Variants in PBX3 observed in about 807,000 individuals in gnomAD.
PBX3 encodes PBX homeobox 3, also known as pre-B-cell leukemia transcription factor 3.
PBX3 carries 14 observed loss-of-function variants against 48.5 expected under a neutral mutation model. That is an observed-to-expected ratio of 0.29 (90% CI 0.19 to 0.45). The LOEUF is 0.45. Among genes scored for constraint, PBX3 ranks in the 20% least tolerant of loss-of-function variants. PBX3 has a pLI of 1.00. For missense variants in PBX3, 386 were observed against 546.7 expected (o/e 0.71, Z 2.93); for synonymous variants, 210 against 200.3 (o/e 1.05, Z -0.41).
At chr9:125,881,423 A>G (rs1023023492) in intron 2 of PBX3, among the ~76,000 whole-genome samples, 11 of 152,318 alleles carry the variant, frequency 7.2e-5, no homozygotes, top group Middle Eastern at 3.4e-3. Flanking sequence ...ATTAGTTGGT[A>G]AATTGACAGC....
intron 2 of PBX3, among the ~76,000 whole-genome samples, chr9:125,775,164 G>A (rs1837038874): frequency 6.6e-6 from 1 of 152,158 alleles, no homozygotes; most frequent in Non-Finnish European, 1.5e-5. Flanking sequence ...ACTGTGCCTG[G>A]CCCACAGAGT....
intron 2 of PBX3, among the ~76,000 whole-genome samples, chr9:125,783,369 C>A (rs1837373445): frequency 6.6e-6 from 1 of 152,078 alleles, no homozygotes; most frequent in African/African-American, 2.4e-5. Context: ...CTCACTGCAA[C>A]CTCTGCCTCC....
intron 5 of PBX3, among the ~76,000 whole-genome samples, chr9:125,949,122 C>T (rs1842132973): frequency 6.6e-6 from 1 of 152,158 alleles, no homozygotes; most frequent in South Asian, 2.1e-4. Flanking sequence ...GATGACTGTA[C>T]GTTCTGTGTA....
chr9:125,946,610 A>G (rs1464000918), intron 5 of PBX3, among the ~76,000 whole-genome samples: 1 of 152,188 alleles, frequency 6.6e-6, no homozygotes, highest in East Asian at 1.9e-4. Context: ...CAGATTAGAC[A>G]TTGCTGAAAG....
intron 2 of PBX3, among the ~76,000 whole-genome samples, chr9:125,755,255 C>T (rs1028959149): frequency 6.6e-6 from 1 of 152,044 alleles, no homozygotes; most frequent in African/African-American, 2.4e-5. Context: ...TCAACATTTT[C>T]ACTGTCTCTA....
At chr9:125,823,802 G>T (rs1265705330) in intron 2 of PBX3, among the ~76,000 whole-genome samples, 2 of 152,130 alleles carry the variant, frequency 1.3e-5, no homozygotes, top group East Asian at 3.9e-4. Context: ...TAGGCTGGGC[G>T]CGGTGGCTCA....
At chr9:125,830,095 G>A (rs1038151265) in intron 2 of PBX3, among the ~76,000 whole-genome samples, 7 of 152,088 alleles carry the variant, frequency 4.6e-5, no homozygotes, top group African/African-American at 1.7e-4. Flanking sequence ...TTTATCAGTT[G>A]TCTCAGCACT....
chr9:125,891,416 T>G (rs1246782454), intron 2 of PBX3, among the ~76,000 whole-genome samples: 1 of 152,210 alleles, frequency 6.6e-6, no homozygotes, highest in Non-Finnish European at 1.5e-5. Flanking sequence ...TCCGTGAGGT[T>G]CAGTCAAATG....
At chr9:125,821,653 A>G (rs1838656413) in intron 2 of PBX3, among the ~76,000 whole-genome samples, 1 of 152,124 alleles carries the variant, frequency 6.6e-6, no homozygotes, top group Admixed American at 6.5e-5. Context: ...AACTCATTTG[A>G]AGATTAGTTT....
chr9:125,911,238 G>A (rs1841197180), intron 2 of PBX3, among the ~76,000 whole-genome samples: 1 of 151,986 alleles, frequency 6.6e-6, no homozygotes, highest in African/African-American at 2.4e-5. Context: ...CTCCTATTTT[G>A]ACTGCATCTT....
In PBX3 at chr9:125,879,151, C is replaced by T. The variant is rs551598458; in HGVS notation, c.275-36535C>T. ...GGAGTGCAGTGGTGCAATCTTAGCT[C>T]ACTGCAACCTCTGCCTCCTGGGTTC... On this transcript the variant is annotated intron_variant, in intron 2 of 8. Coordinates refer to ENST00000373489, the MANE Select transcript of PBX3 (RefSeq NM_006195.6). Among the ~76,000 whole-genome samples the T allele has an allele frequency of 2.8e-4, 40 of 144,132 alleles. 1 individual carries two copies. The South Asian group carries it at 8.1e-3, about 29-fold the overall frequency. The allele number at this position is 144,132 out of a possible 152,430, so 94.6% of individuals were successfully genotyped here.
chr9:125,917,936 C>A (rs1841370000), intron 3 of PBX3, among the ~76,000 whole-genome samples: 1 of 152,078 alleles, frequency 6.6e-6, no homozygotes, highest in African/African-American at 2.4e-5. Context: ...ATCCCACTTT[C>A]TGATTTGACA....
intron 2 of PBX3, among the ~76,000 whole-genome samples, chr9:125,755,459 C>T (rs1385024549): frequency 6.6e-6 from 1 of 152,060 alleles, no homozygotes; most frequent in Non-Finnish European, 1.5e-5. Context: ...TTTTGCAATG[C>T]AAAGTGGTTT....
intron 2 of PBX3, among the ~76,000 whole-genome samples, chr9:125,823,662 A>G (rs1250467381): frequency 6.6e-6 from 1 of 152,214 alleles, no homozygotes; most frequent in East Asian, 1.9e-4. Flanking sequence ...AAGAAAGATT[A>G]AAAAAGAATT....
chr9:125,850,333 G>C lies in PBX3; in HGVS notation c.275-65353G>C, dbSNP rs137917739. 6.0e-3 allele frequency among the ~76,000 whole-genome samples: 919 copies of C among 152,132 alleles called. 7 individuals carry two copies. The highest frequency in any genetic ancestry group is 7.1e-3 in the Non-Finnish European group (481 of 67,938). ...ATTTTCACATGTTGTTCTAACTGAT[G>C]TCAAAAGGAGTTTTTGCATTGGCAG... On this transcript the variant is annotated intron_variant, in intron 2 of 8. Transcript: ENST00000373489.
chr9:125,818,445 C>T (rs1838537551), intron 2 of PBX3, among the ~76,000 whole-genome samples: 1 of 151,774 alleles, frequency 6.6e-6, no homozygotes, highest in Non-Finnish European at 1.5e-5. Flanking sequence ...ATTGATTCTC[C>T]TGTCTCAGCC....
chr9:125,781,248 C>T (rs1017823180), intron 2 of PBX3, among the ~76,000 whole-genome samples: 1 of 151,332 alleles, frequency 6.6e-6, no homozygotes, highest in Non-Finnish European at 1.5e-5. Flanking sequence ...CTGAGTGAAC[C>T]AGACTCCGTC....
chr9:125,918,962 A>T (rs1348895594), intron 3 of PBX3, among the ~76,000 whole-genome samples: 1 of 152,184 alleles, frequency 6.6e-6, no homozygotes, highest in Non-Finnish European at 1.5e-5. Context: ...AATAGATAGT[A>T]TTGTAATTTC....
intron 3 of PBX3, among the ~76,000 whole-genome samples, chr9:125,924,431 G>C (rs1161203134): frequency 6.6e-6 from 1 of 152,180 alleles, no homozygotes; most frequent in East Asian, 1.9e-4. Context: ...AGCCTTTTCA[G>C]ATAATTGTGA....
Sources: gnomAD v4.1 joint callset for allele counts (sites outside exome capture counted in the v4.1 genomes callset) on GRCh38, gnomAD v4.1.1 for gene constraint, MANE v1.5 for transcripts, NCBI Gene and HGNC (gene_info 2026-07-23, HGNC 2026-07-21) for gene names.